ANO6: variants seen among roughly 807,000 people sequenced by gnomAD.
The protein encoded by ANO6 is anoctamin-6.
In ANO6, 106 loss-of-function variants were observed where a neutral mutation model predicts 117.5. The observed-to-expected ratio is 0.90, with a 90% CI of 0.77 to 1.06. The LOEUF is 1.06. Among genes scored for constraint, ANO6 ranks in the 50% least tolerant of loss-of-function variants. The pLI is 0.00. For synonymous variants in ANO6, 367 were observed against 385.1 expected (o/e 0.95, Z 0.55); for missense variants, 955 against 1,121.1 (o/e 0.85, Z 2.12).
At chr12:45,233,764 C>A (rs994723932) in intron 1 of ANO6, among the ~76,000 whole-genome samples, 1 of 152,184 alleles carries the variant, frequency 6.6e-6, no homozygotes. Context: ...CCTTGTACCC[C>A]TTTCATGTCA....
chr12:45,336,548 T>C (rs1042676895), intron 3 of ANO6, among the ~76,000 whole-genome samples: 3 of 152,070 alleles, frequency 2.0e-5, no homozygotes, highest in Non-Finnish European at 4.4e-5. Flanking sequence ...ACATCATAGC[T>C]GTCTTAACAT....
chr12:45,344,537 A>T (rs1294469312), intron 3 of ANO6, among the ~76,000 whole-genome samples: 1 of 152,098 alleles, frequency 6.6e-6, no homozygotes, highest in Non-Finnish European at 1.5e-5. Context: ...AAACAACCAG[A>T]TCTCGTGAGA....
intron 19 of ANO6, among the ~76,000 whole-genome samples, chr12:45,428,628 G>A (rs1172683458): frequency 1.3e-5 from 2 of 152,076 alleles, no homozygotes; most frequent in African/African-American, 4.8e-5. Context: ...CATCATAAAG[G>A]TGAAGTCAAG....
intron 9 of ANO6, among the ~76,000 whole-genome samples, chr12:45,377,362 A>G (rs1942056138): frequency 6.6e-6 from 1 of 152,218 alleles, no homozygotes; most frequent in Non-Finnish European, 1.5e-5. Context: ...GCAAAAGGAT[A>G]AAACTTAGCA....
chr12:45,230,332 T>C (rs1947556000), intron 1 of ANO6, among the ~76,000 whole-genome samples: 1 of 151,964 alleles, frequency 6.6e-6, no homozygotes, highest in Admixed American at 6.6e-5. Context: ...CAGCTTCTTA[T>C]AACTTTGGGG....
In ANO6 at chr12:45,236,864, A is replaced by G. The variant is rs557045417; in HGVS notation, c.70+20473A>G. Among the ~76,000 whole-genome samples, 62 of 152,222 alleles carry G rather than the reference A, an allele frequency of 4.1e-4. 1 individual carries two copies. The highest frequency in any genetic ancestry group is 6.8e-3 in the Middle Eastern group (2 of 294). ...CCACCAACAGTGTAAAAGTATTCCTATTTCTCCATATCCTCTCCAGCATCT... is the reference window on the plus strand; with the variant it reads ...CCACCAACAGTGTAAAAGTATTCCTGTTTCTCCATATCCTCTCCAGCATCT... On this transcript the variant is annotated intron_variant, in intron 1 of 19. Coordinates refer to ENST00000320560, the MANE Select transcript of ANO6 (RefSeq NM_001025356.3).
At chr12:45,351,363 C>T (rs947154080) in intron 7 of ANO6, among the ~76,000 whole-genome samples, 1 of 152,196 alleles carries the variant, frequency 6.6e-6, no homozygotes. Context: ...TCACAAGATA[C>T]AATGACTAGC....
chr12:45,218,449 C>T (rs190081390), intron 1 of ANO6, among the ~76,000 whole-genome samples: 116 of 130,682 alleles, frequency 8.9e-4, no homozygotes, highest in Admixed American at 3.1e-3. Context: ...GGCTAGAGTG[C>T]AGTGATGTGG....
chr12:45,388,501 G>T (rs536544651), intron 11 of ANO6, among the ~76,000 whole-genome samples, 198 bp downstream of exon 11: 1 of 152,240 alleles, frequency 6.6e-6, no homozygotes, highest in South Asian at 2.1e-4. Flanking sequence ...TAATTCTGAT[G>T]TGCAGCCAAA....
chr12:45,241,364 C>G (rs1279020194), intron 1 of ANO6, among the ~76,000 whole-genome samples: 1 of 152,192 alleles, frequency 6.6e-6, no homozygotes, highest in Non-Finnish European at 1.5e-5. Context: ...CTTCTGCATG[C>G]GTCACAAAGT....
chr12:45,366,115 GTTTT>G (rs5797942), intron 8 of ANO6, among the ~76,000 whole-genome samples: 7,932 of 134,658 alleles, frequency 0.059, 429 homozygotes, highest in East Asian at 0.34. Context: ...TGTTACTTGG[GTTTT>G]TTTTTTTTTT....
intron 3 of ANO6, among the ~76,000 whole-genome samples, chr12:45,342,899 T>A (rs1941020891): frequency 6.6e-6 from 1 of 151,804 alleles, no homozygotes; most frequent in Non-Finnish European, 1.5e-5. Flanking sequence ...AAATGGGAGG[T>A]ATTGCCCAAG....
chr12:45,368,460 T>C (rs1406260916), intron 9 of ANO6, among the ~76,000 whole-genome samples: 1 of 152,208 alleles, frequency 6.6e-6, no homozygotes, highest in Non-Finnish European at 1.5e-5. Flanking sequence ...TGAGAAGGGT[T>C]TTATATGTGA....
chr12:45,378,239 T>C, intron 10 of ANO6, 126 bp downstream of exon 10: 2 of 908,864 alleles, frequency 2.2e-6, no homozygotes, highest in South Asian at 3.0e-5. Context: ...AGAATTCCAT[T>C]TATAACTGAG....
intron 1 of ANO6, among the ~76,000 whole-genome samples, chr12:45,258,308 C>A (rs1343706331): frequency 1.3e-5 from 2 of 152,172 alleles, no homozygotes. Context: ...CATACACATG[C>A]ATACTTATTA....
At chr12:45,275,117 T>C (rs946443157) in intron 1 of ANO6, among the ~76,000 whole-genome samples, 1 of 152,126 alleles carries the variant, frequency 6.6e-6, no homozygotes, top group Non-Finnish European at 1.5e-5. Context: ...CTGGAATCCC[T>C]GTGTTAAAAA....
intron 1 of ANO6, among the ~76,000 whole-genome samples, chr12:45,285,970 T>C (rs529731916): frequency 1.4e-4 from 21 of 152,276 alleles, no homozygotes; most frequent in African/African-American, 4.8e-4. Context: ...AAGATAGCCA[T>C]TGCGGTTGCT....
At chr12:45,240,459 G>A (rs1189514403) in intron 1 of ANO6, among the ~76,000 whole-genome samples, 2 of 145,342 alleles carry the variant, frequency 1.4e-5, no homozygotes, top group Non-Finnish European at 3.0e-5. Context: ...CACTTGAGAT[G>A]GGTCTCCTGA....
In ANO6 at chr12:45,431,728, G is replaced by A; in HGVS notation, c.*2417G>A. ...GCTGTGTCTGCAGACAATGGTGGCT[G>A]CATCTGTAAGTGGCTTCAGAGGCAG... On this transcript the variant is annotated 3_prime_UTR_variant, in exon 20 of 20. Coordinates refer to ENST00000320560, the MANE Select transcript of ANO6 (RefSeq NM_001025356.3). The A allele has an allele frequency of 1.0e-6, 1 of 985,504 alleles. No homozygotes were observed. The highest frequency in any genetic ancestry group is 1.2e-6 in the Non-Finnish European group (1 of 829,970). The allele number at this position is 985,504 out of a possible 1,614,324, so 61.0% of individuals were successfully genotyped here. A position where few individuals can be genotyped will look rare whatever the true frequency, so the allele number is the denominator to read the frequency against.
Sources: gnomAD v4.1 joint callset for allele counts (sites outside exome capture counted in the v4.1 genomes callset) on GRCh38, gnomAD v4.1.1 for gene constraint, MANE v1.5 for transcripts, NCBI Gene and HGNC (gene_info 2026-07-23, HGNC 2026-07-21) for gene names.